Variants in EXOC4 observed in about 807,000 individuals in gnomAD.
EXOC4 encodes the protein exocyst complex component 4, also known as SEC8-like 1.
EXOC4 carries 71 observed loss-of-function variants against 107.2 expected under a neutral mutation model. The observed-to-expected ratio is 0.66, with a 90% confidence interval of 0.55 to 0.81. The LOEUF (loss-of-function observed/expected upper bound fraction) is 0.81. EXOC4 is among the 30% of genes least tolerant of loss of function. The pLI is 0.00. For synonymous variants in EXOC4, 456 were observed against 441.2 expected, an observed-to-expected ratio of 1.03 and a Z score of -0.42; for missense variants, 1,108 against 1,189.6, an observed-to-expected ratio of 0.93 and a Z score of 1.01.
intron 10 of EXOC4, among the ~76,000 whole-genome samples, chr7:133,661,671 C>CA (rs1793682703): frequency 1.4e-4 from 2 of 14,470 alleles, no homozygotes; most frequent in African/African-American, 2.7e-4. Context: ...CTCCTTAAAA[C>CA]TAAAAAAAAA....
At chr7:133,587,053 C>CA (rs1368829236) in intron 9 of EXOC4, among the ~76,000 whole-genome samples, 6 of 152,058 alleles carry the variant, frequency 3.9e-5, no homozygotes, top group Non-Finnish European at 8.8e-5. Context: ...AGGCTGGTCT[C>CA]AAACTCCTGA....
chr7:133,656,397 C>CTG (rs1562894412), intron 10 of EXOC4, among the ~76,000 whole-genome samples: 17 of 151,106 alleles, frequency 1.1e-4, no homozygotes, highest in Admixed American at 4.6e-4. Flanking sequence ...GTATGTATAT[C>CTG]TGTGTGTGTG....
chr7:133,921,580 G>C (rs1439922266), intron 13 of EXOC4, among the ~76,000 whole-genome samples: 1 of 151,766 alleles, frequency 6.6e-6, no homozygotes, highest in Non-Finnish European at 1.5e-5. Context: ...TCCTCTATAG[G>C]ATTTTTTTTC....
At chr7:133,855,573 G>C (rs1197081314) in intron 11 of EXOC4, among the ~76,000 whole-genome samples, 1 of 152,028 alleles carries the variant, frequency 6.6e-6, no homozygotes, top group Non-Finnish European at 1.5e-5. Flanking sequence ...TCCACCCTAA[G>C]TGCCTGTGTA....
At chr7:133,329,739 G>A (rs1405444690) in intron 5 of EXOC4, among the ~76,000 whole-genome samples, 1 of 152,152 alleles carries the variant, frequency 6.6e-6, no homozygotes, top group Admixed American at 6.5e-5. Context: ...GTTTGCCTGG[G>A]TATCACCAGC....
chr7:133,918,052 G>A (rs1239375563), intron 13 of EXOC4, among the ~76,000 whole-genome samples: 1 of 150,330 alleles, frequency 6.7e-6, no homozygotes, highest in Non-Finnish European at 1.5e-5. Context: ...GCGCAATCTC[G>A]GCTCACTGCA....
intron 13 of EXOC4, among the ~76,000 whole-genome samples, chr7:133,924,123 C>A (rs1799999785): frequency 6.6e-6 from 1 of 152,142 alleles, no homozygotes; most frequent in South Asian, 2.1e-4. Flanking sequence ...CACAGTATTA[C>A]CATAATATTT....
At chr7:134,096,230 A>G in the EXOC4 span, among the ~76,000 whole-genome samples, 1 of 152,208 alleles carries the variant, frequency 6.6e-6, no homozygotes, top group African/African-American at 2.4e-5. Flanking sequence ...AAGCACAATG[A>G]GTTTTAATAA....
intron 2 of EXOC4, among the ~76,000 whole-genome samples, chr7:133,284,465 C>T (rs1794229300): frequency 6.6e-6 from 1 of 152,164 alleles, no homozygotes; most frequent in Non-Finnish European, 1.5e-5. Flanking sequence ...AGCTGGAGTC[C>T]TTAACTCAGA....
intron 3 of EXOC4, chr7:133,291,017 T>A (rs1451953556): frequency 6.6e-6 from 1 of 152,132 alleles, no homozygotes; most frequent in Non-Finnish European, 1.5e-5. Context: ...TTTCCACCTT[T>A]ACAGAAGAAA....
intron 10 of EXOC4, chr7:133,733,521 G>A (rs1795372862): frequency 6.6e-6 from 1 of 152,122 alleles, no homozygotes; most frequent in Admixed American, 6.6e-5. Context: ...GATAAAAAAA[G>A]GAAAATGGAT....
intron 14 of EXOC4, among the ~76,000 whole-genome samples, chr7:133,962,903 T>G (rs1048494203): frequency 2.0e-5 from 3 of 152,248 alleles, no homozygotes; most frequent in African/African-American, 7.2e-5. Flanking sequence ...AGATTTTAAT[T>G]GCACTCAAGT....
At chr7:133,438,782 G>A (rs577615962) in intron 7 of EXOC4, among the ~76,000 whole-genome samples, 1 of 152,272 alleles carries the variant, frequency 6.6e-6, no homozygotes, top group East Asian at 1.9e-4. Flanking sequence ...ACTGTGTTGG[G>A]CACTCAGAAT....
Position 133,260,434 on chromosome 7 carries a change from C to T in EXOC4, c.86+7247C>T, listed in dbSNP as rs140040498. Among the ~76,000 whole-genome samples the T allele has an allele frequency of 2.5e-3, 379 of 152,182 alleles. 11 individuals are homozygous for T. The East Asian group carries it at 0.059, about 24-fold the overall frequency. ...GATTATAGGCGTGCGCCACCACACCCGGCTAATTTTTGTATTTTTGGTAGA... is the reference window on the plus strand; with the variant it reads ...GATTATAGGCGTGCGCCACCACACCTGGCTAATTTTTGTATTTTTGGTAGA... On this transcript the variant is annotated intron_variant, in intron 1 of 17. Coordinates refer to ENST00000253861, the MANE Select transcript of EXOC4 (RefSeq NM_021807.4).
intron 10 of EXOC4, among the ~76,000 whole-genome samples, chr7:133,783,983 C>T (rs1371889815): frequency 6.6e-6 from 1 of 152,062 alleles, no homozygotes. Flanking sequence ...ATTCCTCATA[C>T]CCCCATCCTT....
intron 13 of EXOC4, among the ~76,000 whole-genome samples, chr7:133,921,867 G>GT (rs577308621): frequency 3.3e-5 from 5 of 152,104 alleles, no homozygotes; most frequent in Non-Finnish European, 7.4e-5. Flanking sequence ...TGGATTGTAT[G>GT]TTTTTTAACT....
intron 10 of EXOC4, among the ~76,000 whole-genome samples, chr7:133,698,231 G>C (rs1276951462): frequency 1.3e-5 from 2 of 152,044 alleles, no homozygotes; most frequent in African/African-American, 4.8e-5. Flanking sequence ...GGGAATCCTG[G>C]TCTATTGTTT....
intron 7 of EXOC4, among the ~76,000 whole-genome samples, chr7:133,439,634 C>T (rs1798061422): frequency 6.6e-6 from 1 of 152,016 alleles, no homozygotes; most frequent in Admixed American, 6.5e-5. Flanking sequence ...ATAATGATAC[C>T]ACACAAAGCT....
chr7:133,943,110 T>C (rs1800469992), intron 14 of EXOC4, among the ~76,000 whole-genome samples: 1 of 152,204 alleles, frequency 6.6e-6, no homozygotes, highest in Non-Finnish European at 1.5e-5. Flanking sequence ...GTGGCTGTTA[T>C]ATTGGACAGT....
Sources: allele counts gnomAD v4.1 joint callset (sites outside exome capture counted in the v4.1 genomes callset), GRCh38; gene constraint gnomAD v4.1.1; transcripts MANE v1.5; gene names NCBI Gene and HGNC (gene_info 2026-07-23, HGNC 2026-07-21).